TMOD1: variants seen among roughly 807,000 people sequenced by gnomAD.
TMOD1 encodes the protein tropomodulin-1.
TMOD1 carries 17 observed loss-of-function variants against 40.6 expected under a neutral mutation model. The ratio of observed to expected loss-of-function variants is 0.42; its 90% CI spans 0.29 to 0.63. TMOD1 has a LOEUF of 0.63. TMOD1 is among the 20% of genes least tolerant of loss of function. The probability of loss-of-function intolerance (pLI) is 0.22; values close to 1 mark genes in which losing one functional copy is unlikely to be tolerated. For synonymous variants in TMOD1, 181 were observed against 175.0 expected (o/e 1.03, Z -0.27); for missense variants, 391 against 447.6 (o/e 0.87, Z 1.14).
rs1037412201 is a variant in TMOD1 at position 97,600,293 on chromosome 9, C to T, written c.*595C>T. The T allele has an allele frequency of 2.6e-5, 26 of 986,132 alleles. No homozygotes were observed. In the African/African-American group the frequency reaches 4.2e-4, roughly 16 times the overall value. 61.1% of individuals were successfully genotyped at this position (986,132 alleles called of 1,614,324 possible). On this transcript the variant is annotated 3_prime_UTR_variant, in exon 10 of 10. Transcript: ENST00000259365. The stretch of plus-strand genomic sequence containing the variant: ...TCTGCCAGGAGTCAACATGAGATTC[C>T]TTTTGCTGGATATGCAGAAATGATA...
intron 2 of TMOD1, among the ~76,000 whole-genome samples, chr9:97,545,226 T>G (rs926227237): frequency 6.6e-6 from 1 of 152,210 alleles, no homozygotes; most frequent in African/African-American, 2.4e-5. Flanking sequence ...AGATCTGTCC[T>G]GAAATTCCTT....
Position 97,600,829 on chromosome 9 carries a change from G to C in TMOD1, c.*1131G>C, listed in dbSNP as rs1188607120. 1.9e-6 allele frequency: 2 copies of C among 1,075,206 alleles called. No homozygotes were observed. Among genetic ancestry groups the C allele is most frequent in the African/African-American group, 3.4e-5 (2 of 59,266 alleles). 66.6% of individuals were successfully genotyped at this position (1,075,206 alleles called of 1,614,324 possible). A position where few individuals can be genotyped will look rare whatever the true frequency, so the allele number is the denominator to read the frequency against. Reference sequence around the variant, plus strand: ...GCCAGATCTCTTTTTAACATCATGTGCGTCTCTTGGGATCCAGCAAAAGTG... The same window carrying C: ...GCCAGATCTCTTTTTAACATCATGTCCGTCTCTTGGGATCCAGCAAAAGTG... On this transcript the variant is annotated 3_prime_UTR_variant, in exon 10 of 10. Coordinates refer to ENST00000259365, the MANE Select transcript of TMOD1 (RefSeq NM_003275.4).
Position 97,600,698 on chromosome 9 carries a change from G to A in TMOD1, c.*1000G>A, listed in dbSNP as rs772097561. On this transcript the variant is annotated 3_prime_UTR_variant, in exon 10 of 10. Coordinates refer to ENST00000259365, the MANE Select transcript of TMOD1 (RefSeq NM_003275.4). ...CCTTACGCCTGTATATTAAGCCTCC[G>A]CAGGATGCCGGACAATGGTGAAGAA... is the stretch of plus-strand genomic sequence containing the variant. The A allele has an allele frequency of 8.0e-5, 80 of 1,002,046 alleles. No homozygotes were observed. Among genetic ancestry groups the A allele is most frequent in the East Asian group, 2.2e-4 (2 of 9,178 alleles). The allele number at this position is 1,002,046 out of a possible 1,614,324, so 62.1% of individuals were successfully genotyped here.
At chr9:97,593,837 G>C (rs1276943840) in intron 9 of TMOD1, among the ~76,000 whole-genome samples, 11 of 151,960 alleles carry the variant, frequency 7.2e-5, no homozygotes. Context: ...GTAGTGCTGG[G>C]GGTACAAAGG....
chr9:97,596,836 T>C (rs888124296), intron 9 of TMOD1, among the ~76,000 whole-genome samples: 2 of 152,242 alleles, frequency 1.3e-5, no homozygotes, highest in African/African-American at 4.8e-5. Context: ...GACCTGTTAG[T>C]TGCCACCTGG....
intron 4 of TMOD1, 23 bp from the exon 5 acceptor site, chr9:97,562,709 G>T: frequency 6.6e-7 from 1 of 1,510,058 alleles, no homozygotes; most frequent in South Asian, 1.3e-5. Flanking sequence ...GGCACATCAT[G>T]AGCCCTTCCC....
intron 4 of TMOD1, among the ~76,000 whole-genome samples, chr9:97,556,811 C>T (rs1003696367): frequency 6.6e-6 from 1 of 152,116 alleles, no homozygotes; most frequent in South Asian, 2.1e-4. Context: ...GGAGAAGAGC[C>T]TAGGAGCAGA....
intron 3 of TMOD1, among the ~76,000 whole-genome samples, chr9:97,550,889 T>A (rs540638506): frequency 2.0e-5 from 3 of 151,472 alleles, no homozygotes; most frequent in African/African-American, 4.8e-5. Flanking sequence ...GTCCAGTTGA[T>A]CTATTTTTTC....
At chr9:97,575,037 A>C (rs1830904607) in intron 8 of TMOD1, among the ~76,000 whole-genome samples, 1 of 152,234 alleles carries the variant, frequency 6.6e-6, no homozygotes, top group Non-Finnish European at 1.5e-5. Flanking sequence ...CGGATAACGC[A>C]GTGGCAACCC....
At chr9:97,528,641 A>G (rs1830053117) in intron 2 of TMOD1, among the ~76,000 whole-genome samples, 1 of 152,206 alleles carries the variant, frequency 6.6e-6, no homozygotes, top group South Asian at 2.1e-4. Context: ...CCCTTGGCCC[A>G]TGCTCTGAAA....
At chr9:97,593,794 G>A (rs558983149) in intron 9 of TMOD1, among the ~76,000 whole-genome samples, 1 of 152,160 alleles carries the variant, frequency 6.6e-6, no homozygotes, top group South Asian at 2.1e-4. Context: ...AGGTCTAGAG[G>A]CATCCCTCTG....
At chr9:97,535,289 TGGA>T (rs1247748543) in intron 2 of TMOD1, among the ~76,000 whole-genome samples, 2 of 152,116 alleles carry the variant, frequency 1.3e-5, no homozygotes, top group Non-Finnish European at 2.9e-5. Flanking sequence ...TCACAAGGGC[TGGA>T]ACGAGGGTGA....
chr9:97,527,638 T>A (rs1349901814), intron 2 of TMOD1, among the ~76,000 whole-genome samples: 1 of 152,048 alleles, frequency 6.6e-6, no homozygotes, highest in Non-Finnish European at 1.5e-5. Context: ...TTGGGATAGA[T>A]AACGCGGGGG....
chr9:97,509,420 T>C (rs1457392499), intron 1 of TMOD1, among the ~76,000 whole-genome samples: 2 of 152,178 alleles, frequency 1.3e-5, no homozygotes, highest in South Asian at 2.1e-4. Flanking sequence ...GTCTGTTGTA[T>C]GTCTCTAATT....
At chr9:97,563,010 C>A (rs1830664171) in intron 5 of TMOD1, among the ~76,000 whole-genome samples, 189 bp downstream of exon 5, 1 of 152,160 alleles carries the variant, frequency 6.6e-6, no homozygotes, top group African/African-American at 2.4e-5. Flanking sequence ...TAGAAATGTT[C>A]TCCTATATTT....
At chr9:97,587,547 TCC>T (rs908257173) in intron 8 of TMOD1, among the ~76,000 whole-genome samples, 1 of 146,394 alleles carries the variant, frequency 6.8e-6, no homozygotes, top group African/African-American at 2.5e-5. Context: ...TCATATCCTT[TCC>T]CCGTTTTCTA....
intron 8 of TMOD1, among the ~76,000 whole-genome samples, chr9:97,572,903 C>CA (rs1830843676): frequency 3.9e-5 from 6 of 152,200 alleles, no homozygotes; most frequent in Non-Finnish European, 8.8e-5. Flanking sequence ...CTGTTGCCAC[C>CA]TGTGGTTGCG....
intron 8 of TMOD1, among the ~76,000 whole-genome samples, chr9:97,570,798 G>A (rs1206606323): frequency 1.3e-5 from 2 of 152,188 alleles, no homozygotes; most frequent in African/African-American, 4.8e-5. Context: ...AGGTAGCAGA[G>A]AGCAAAATTC....
chr9:97,565,763 A>C (rs1354144453), intron 6 of TMOD1, 85 bp from the exon 7 acceptor site: 1 of 1,083,128 alleles, frequency 9.2e-7, no homozygotes, highest in East Asian at 2.4e-5. Flanking sequence ...GCCAGGAATC[A>C]GAGAGTAGCC....
Sources: allele counts gnomAD v4.1 joint callset (sites outside exome capture counted in the v4.1 genomes callset), GRCh38; gene constraint gnomAD v4.1.1; transcripts MANE v1.5; gene names NCBI Gene and HGNC (gene_info 2026-07-23, HGNC 2026-07-21).